Variants in TBC1D22A observed in about 807,000 individuals in gnomAD.
The protein encoded by TBC1D22A is putative GTPase activator.
Under a neutral mutation model 60.2 loss-of-function variants are expected in TBC1D22A, and 38 were observed. That is an observed-to-expected ratio of 0.63 (90% CI 0.49 to 0.83). TBC1D22A has a LOEUF of 0.83. TBC1D22A is among the 40% of genes least tolerant of loss of function. The pLI is 0.00. For missense variants in TBC1D22A, 628 were observed against 701.0 expected (o/e 0.90, Z 1.18); for synonymous variants, 302 against 281.7 (o/e 1.07, Z -0.72).
chr22:47,155,533 G>A (rs2067678958), intron 12 of TBC1D22A, among the ~76,000 whole-genome samples: 1 of 152,234 alleles, frequency 6.6e-6, no homozygotes, highest in African/African-American at 2.4e-5. Context: ...CCGCCCTGGG[G>A]ATGCCCGGCC....
At chr22:47,172,974 G>T (rs1349894804) in intron 12 of TBC1D22A, among the ~76,000 whole-genome samples, 2 of 152,226 alleles carry the variant, frequency 1.3e-5, no homozygotes, top group East Asian at 3.9e-4. Context: ...GTCTCCTGGT[G>T]CACAGAAATC....
At chr22:46,946,760 C>T (rs2072572767) in intron 8 of TBC1D22A, among the ~76,000 whole-genome samples, 2 of 152,190 alleles carry the variant, frequency 1.3e-5, no homozygotes, top group South Asian at 4.1e-4. Flanking sequence ...CTGGAATGAG[C>T]CTGGGGCCCC....
At chr22:46,914,442 A>G (rs2070201560) in intron 8 of TBC1D22A, 1 of 152,142 alleles carries the variant, frequency 6.6e-6, no homozygotes, top group East Asian at 1.9e-4. Context: ...CTCAAAAAAA[A>G]AAAAAAAAAA....
intron 12 of TBC1D22A, among the ~76,000 whole-genome samples, chr22:47,146,437 T>C (rs1318348715): frequency 1.3e-5 from 2 of 152,194 alleles, no homozygotes; most frequent in African/African-American, 2.4e-5. Context: ...ATCTATAAGC[T>C]TTATTCCCGA....
chr22:47,029,936 C>T (rs1372578824), intron 10 of TBC1D22A, among the ~76,000 whole-genome samples: 2 of 152,228 alleles, frequency 1.3e-5, no homozygotes, highest in Non-Finnish European at 2.9e-5. Flanking sequence ...CTCTGCCCAC[C>T]ATTGGCAGTG....
At chr22:46,910,472 G>C (rs1418628022) in intron 7 of TBC1D22A, among the ~76,000 whole-genome samples, 1 of 152,158 alleles carries the variant, frequency 6.6e-6, no homozygotes, top group Admixed American at 6.5e-5. Context: ...GGCTGAGTTT[G>C]TATGGCAGCG....
At chr22:46,871,954 C>T (rs530701668) in intron 4 of TBC1D22A, among the ~76,000 whole-genome samples, 23 of 151,888 alleles carry the variant, frequency 1.5e-4, no homozygotes, top group Non-Finnish European at 2.8e-4. Context: ...AAACAAGTTA[C>T]CAATATCAGA....
At chr22:46,800,875 C>T (rs544858272) in intron 4 of TBC1D22A, among the ~76,000 whole-genome samples, 124 of 152,232 alleles carry the variant, frequency 8.1e-4, no homozygotes, top group Admixed American at 2.4e-3. Context: ...CTGTGGTTTC[C>T]AGCAGTAGGC....
intron 10 of TBC1D22A, among the ~76,000 whole-genome samples, chr22:47,024,195 GC>G (rs1431540197): frequency 1.3e-5 from 2 of 152,156 alleles, no homozygotes; most frequent in Admixed American, 6.5e-5. Context: ...TACAGTCACC[GC>G]TAACATAACC....
chr22:47,140,979 A>T (rs2067062635), intron 12 of TBC1D22A, among the ~76,000 whole-genome samples: 1 of 152,234 alleles, frequency 6.6e-6, no homozygotes, highest in Non-Finnish European at 1.5e-5. Context: ...GTCCATTTTC[A>T]TACTGCTTTA....
chr22:47,149,683 C>T (rs944374301), intron 12 of TBC1D22A, among the ~76,000 whole-genome samples: 18 of 152,208 alleles, frequency 1.2e-4, no homozygotes, highest in African/African-American at 4.1e-4. Flanking sequence ...CCCGCAGTGG[C>T]GAGTCAGGGA....
chr22:46,878,781 G>C (rs890554948), intron 5 of TBC1D22A, 58 bp downstream of exon 5: 8 of 1,565,572 alleles, frequency 5.1e-6, no homozygotes, highest in Non-Finnish European at 7.0e-6. Flanking sequence ...GACTGCAGGC[G>C]TCTGGCCTGA....
chr22:47,158,269 C>T (rs1291283242), intron 12 of TBC1D22A, among the ~76,000 whole-genome samples: 1 of 152,206 alleles, frequency 6.6e-6, no homozygotes, highest in East Asian at 1.9e-4. Context: ...GTGACCCAGA[C>T]GCTTAAGCAC....
chr22:47,101,222 T>A (rs1392057914), intron 11 of TBC1D22A, among the ~76,000 whole-genome samples: 1 of 152,196 alleles, frequency 6.6e-6, no homozygotes. Context: ...TTCGAGGGAA[T>A]CCTAAAATAT....
At chr22:47,079,916 A>G (rs1317564487) in intron 11 of TBC1D22A, among the ~76,000 whole-genome samples, 1 of 152,248 alleles carries the variant, frequency 6.6e-6, no homozygotes, top group Non-Finnish European at 1.5e-5. Context: ...ACATGGATAG[A>G]AAAAATGATT....
intron 4 of TBC1D22A, among the ~76,000 whole-genome samples, chr22:46,834,160 T>A (rs1311458408): frequency 6.6e-6 from 1 of 152,126 alleles, no homozygotes; most frequent in Non-Finnish European, 1.5e-5. Context: ...GAATACAGAC[T>A]GCTGGGTTGA....
At chr22:46,790,472 C>T (rs148408216) in intron 1 of TBC1D22A, among the ~76,000 whole-genome samples, 209 of 152,334 alleles carry the variant, frequency 1.4e-3, no homozygotes, top group African/African-American at 4.1e-3. Flanking sequence ...AGGATGTGGA[C>T]GTCTTGGGTG....
intron 11 of TBC1D22A, among the ~76,000 whole-genome samples, chr22:47,090,934 G>T (rs2064916687): frequency 6.9e-6 from 1 of 144,682 alleles, no homozygotes; most frequent in Non-Finnish European, 1.5e-5. Flanking sequence ...CTCACGGAGG[G>T]GGTGGCTGCG....
chr22:47,066,334 C>G (rs1337151373), intron 11 of TBC1D22A, among the ~76,000 whole-genome samples: 1 of 151,348 alleles, frequency 6.6e-6, no homozygotes, highest in Admixed American at 6.6e-5. Flanking sequence ...GGGGGTTCCT[C>G]GGAATGCTGG....
Sources: allele counts gnomAD v4.1 joint callset (sites outside exome capture counted in the v4.1 genomes callset), GRCh38; gene constraint gnomAD v4.1.1; transcripts MANE v1.5; gene names NCBI Gene and HGNC (gene_info 2026-07-23, HGNC 2026-07-21).